The following ADIPOR2 variants were observed in gnomAD, a reference collection of about 807,000 sequenced individuals.
ADIPOR2 encodes the protein adiponectin receptor protein 2.
ADIPOR2 carries 18 observed loss-of-function variants against 40.9 expected under a neutral mutation model. The observed-to-expected ratio is 0.44, with a 90% CI of 0.30 to 0.65. The LOEUF (loss-of-function observed/expected upper bound fraction) is 0.65, where lower values mean the gene tolerates loss of function less well. Ranked by LOEUF, ADIPOR2 falls within the 30% of genes least tolerant of loss-of-function variation. ADIPOR2 has a pLI of 0.09. For missense variants in ADIPOR2, 283 were observed against 479.2 expected, an observed-to-expected ratio of 0.59 and a Z score of 3.82; for synonymous variants, 165 against 166.4, an observed-to-expected ratio of 0.99 and a Z score of 0.06.
intron 1 of ADIPOR2, among the ~76,000 whole-genome samples, chr12:1,719,087 CT>C (rs2094693018): frequency 6.6e-6 from 1 of 151,842 alleles, no homozygotes; most frequent in Admixed American, 6.6e-5. Context: ...CCAACTATAT[CT>C]TTTTTTAAGG....
chr12:1,695,350 C>A (rs2094636245), intron 1 of ADIPOR2, among the ~76,000 whole-genome samples: 1 of 148,210 alleles, frequency 6.7e-6, no homozygotes, highest in African/African-American at 2.5e-5. Flanking sequence ...ATGACTCTGT[C>A]TCTTAAAAAA....
At chr12:1,757,898 C>T (rs11061975) in intron 2 of ADIPOR2, 37,155 of 832,118 alleles carry the variant, frequency 0.045, 1,578 homozygotes, top group East Asian at 0.18. Context: ...GACACTCTCT[C>T]AACTTGTGGG....
chr12:1,772,430 C>T (rs1862508411), intron 2 of ADIPOR2, among the ~76,000 whole-genome samples: 1 of 152,172 alleles, frequency 6.6e-6, no homozygotes, highest in Non-Finnish European at 1.5e-5. Flanking sequence ...CCCTTTCTTT[C>T]TCTGCCACTA....
chr12:1,751,924 C>CTT (rs59026188), intron 1 of ADIPOR2, among the ~76,000 whole-genome samples: 10 of 144,152 alleles, frequency 6.9e-5, no homozygotes, highest in South Asian at 2.2e-4. Flanking sequence ...TTCTTTCTTT[C>CTT]TTTTTTTTTT....
chr12:1,738,874 A>G (rs1221037238), intron 1 of ADIPOR2, among the ~76,000 whole-genome samples: 2 of 152,210 alleles, frequency 1.3e-5, no homozygotes, highest in Non-Finnish European at 2.9e-5. Context: ...TTTCTCGAAA[A>G]TGAGAATTAA....
At chr12:1,709,331 G>T (rs1344365805) in intron 1 of ADIPOR2, among the ~76,000 whole-genome samples, 2 of 151,992 alleles carry the variant, frequency 1.3e-5, no homozygotes, top group Non-Finnish European at 2.9e-5. Context: ...TCTTTTATTG[G>T]ATTTATTCCT....
intron 7 of ADIPOR2, among the ~76,000 whole-genome samples, chr12:1,785,626 G>A (rs1472559952): frequency 1.9e-5 from 1 of 51,652 alleles, no homozygotes; most frequent in Non-Finnish European, 7.2e-5. Context: ...AAGAGAGTCT[G>A]TGTGTCATTT....
At chr12:1,725,491 G>A (rs1448670640) in intron 1 of ADIPOR2, among the ~76,000 whole-genome samples, 1 of 152,130 alleles carries the variant, frequency 6.6e-6, no homozygotes, top group Non-Finnish European at 1.5e-5. Context: ...GTAAAATGAT[G>A]CTATTACATT....
At chr12:1,743,234 A>AC (rs2094746833) in intron 1 of ADIPOR2, among the ~76,000 whole-genome samples, 1 of 128,466 alleles carries the variant, frequency 7.8e-6, no homozygotes, top group Non-Finnish European at 1.8e-5. Flanking sequence ...TCTACCAAAA[A>AC]AAAAAAAAAA....
chr12:1,759,157 TTC>T (rs1277509350), intron 2 of ADIPOR2, among the ~76,000 whole-genome samples: 1 of 152,216 alleles, frequency 6.6e-6, no homozygotes, highest in Non-Finnish European at 1.5e-5. Flanking sequence ...AGACCTCGTT[TTC>T]TGTTAGGCCA....
chr12:1,777,167 A>G (rs1208339157), intron 3 of ADIPOR2, among the ~76,000 whole-genome samples: 1 of 152,104 alleles, frequency 6.6e-6, no homozygotes, highest in Non-Finnish European at 1.5e-5. Context: ...TTAAATATAA[A>G]AATGTTCATA....
Position 1,718,625 on chromosome 12 carries a change from G to A in ADIPOR2, c.-87+27434G>A, listed in dbSNP as rs115046401. Among the ~76,000 whole-genome samples, 667 of 152,260 alleles carry A rather than the reference G, an allele frequency of 4.4e-3. 5 individuals carry two copies. The highest frequency in any genetic ancestry group is 0.015 in the African/African-American group (635 of 41,538). On this transcript the variant is annotated intron_variant, in intron 1 of 7. Transcript: ENST00000357103. ...AAACATTACTGAAATGGCTAAAGTC[G>A]ACTGCTATCTAGCAGACAGTGCTAA...
intron 2 of ADIPOR2, among the ~76,000 whole-genome samples, chr12:1,761,544 A>G (rs934690018): frequency 6.6e-6 from 1 of 152,224 alleles, no homozygotes; most frequent in Non-Finnish European, 1.5e-5. Flanking sequence ...TTTTGAATAT[A>G]ACTATCCTAG....
intron 1 of ADIPOR2, among the ~76,000 whole-genome samples, chr12:1,713,272 G>C (rs1455598237): frequency 2.0e-5 from 3 of 152,056 alleles, no homozygotes; most frequent in African/African-American, 7.3e-5. Flanking sequence ...CAGGGTATAG[G>C]GCTTGGGTAC....
At chr12:1,718,219 T>C (rs192290879) in intron 1 of ADIPOR2, among the ~76,000 whole-genome samples, 5 of 152,256 alleles carry the variant, frequency 3.3e-5, no homozygotes, top group Admixed American at 2.6e-4. Flanking sequence ...TTCATAATGA[T>C]ACTTGGACTG....
chr12:1,747,550 C>T (rs1208634288), intron 1 of ADIPOR2, among the ~76,000 whole-genome samples: 1 of 152,086 alleles, frequency 6.6e-6, no homozygotes, highest in Non-Finnish European at 1.5e-5. Context: ...ATTTGAATTG[C>T]TGTTTGAGGT....
intron 1 of ADIPOR2, among the ~76,000 whole-genome samples, chr12:1,720,842 A>T (rs1030887577): frequency 2.0e-5 from 3 of 152,220 alleles, no homozygotes; most frequent in Admixed American, 1.3e-4. Context: ...GAAAAAGTCA[A>T]GTGGGGAACT....
At chr12:1,729,334 G>A (rs1244376693) in intron 1 of ADIPOR2, among the ~76,000 whole-genome samples, 1 of 151,772 alleles carries the variant, frequency 6.6e-6, no homozygotes, top group Non-Finnish European at 1.5e-5. Context: ...ACTTTTTATT[G>A]TTAAAGAATA....
intron 1 of ADIPOR2, among the ~76,000 whole-genome samples, chr12:1,705,130 T>C (rs1190482193): frequency 6.6e-6 from 1 of 152,200 alleles, no homozygotes; most frequent in African/African-American, 2.4e-5. Flanking sequence ...CACTTCAAAG[T>C]AGGGTTTTGA....
Sources: gnomAD v4.1 joint callset for allele counts (sites outside exome capture counted in the v4.1 genomes callset) on GRCh38, gnomAD v4.1.1 for gene constraint, MANE v1.5 for transcripts, NCBI Gene and HGNC (gene_info 2026-07-23, HGNC 2026-07-21) for gene names.